ACBD6: variants seen among roughly 807,000 people sequenced by gnomAD.
ACBD6 encodes acyl-CoA-binding domain-containing protein 6.
ACBD6 carries 28 observed loss-of-function variants against 37.2 expected under a neutral mutation model. That is an observed-to-expected ratio of 0.75 (90% CI 0.56 to 1.03). The LOEUF is 1.03. Among genes scored for constraint, ACBD6 ranks in the 50% least tolerant of loss-of-function variants. ACBD6 has a pLI of 0.00. For synonymous variants in ACBD6, 113 were observed against 126.8 expected, an observed-to-expected ratio of 0.89 and a Z score of 0.73; for missense variants, 340 against 337.4, an observed-to-expected ratio of 1.01 and a Z score of -0.06.
chr1:180,344,679 T>G (rs1652109584), intron 6 of ACBD6, among the ~76,000 whole-genome samples: 1 of 152,134 alleles, frequency 6.6e-6, no homozygotes, highest in African/African-American at 2.4e-5. Context: ...ACAACCCTAT[T>G]ATGTAAACAC....
intron 3 of ACBD6, among the ~76,000 whole-genome samples, chr1:180,444,046 C>T (rs1359758727): frequency 1.3e-5 from 2 of 151,858 alleles, no homozygotes; most frequent in African/African-American, 2.4e-5. Flanking sequence ...TAAATCTCAT[C>T]CCTATTACTC....
At chr1:180,280,665 G>C (rs1214188549) in intron 9 of ACBD6, among the ~76,000 whole-genome samples, 2 of 152,304 alleles carry the variant, frequency 1.3e-5, no homozygotes, top group East Asian at 3.9e-4. Flanking sequence ...GCTGAGAAAG[G>C]CAAGAGATCT....
At chr1:180,377,119 C>T (rs1323223382) in intron 6 of ACBD6, among the ~76,000 whole-genome samples, 2 of 150,582 alleles carry the variant, frequency 1.3e-5, no homozygotes, top group African/African-American at 2.4e-5. Context: ...TAGAGTTGAA[C>T]AGAAAAAAAA....
chr1:180,270,024 C>T (rs1391846520), exon 14 of ACBD6: 1 of 152,260 alleles, frequency 6.6e-6, no homozygotes, highest in Non-Finnish European at 1.5e-5. Context: ...CACACATGTC[C>T]TGGCTGCACA....
intron 7 of ACBD6, among the ~76,000 whole-genome samples, chr1:180,301,977 T>C (rs1650147300): frequency 6.6e-6 from 1 of 152,022 alleles, no homozygotes; most frequent in South Asian, 2.1e-4. Context: ...TTTGGTGCCA[T>C]GAACGGTCTG....
At chr1:180,401,815 A>G (rs952572610) in intron 5 of ACBD6, among the ~76,000 whole-genome samples, 4 of 148,486 alleles carry the variant, frequency 2.7e-5, no homozygotes, top group African/African-American at 4.9e-5. Context: ...TGGTAAGGGG[A>G]GGGGAGAGGA....
At position 180,479,406 on chromosome 1, in the gene ACBD6, T is replaced by C. The variant is rs201017748; in HGVS notation, c.384+12863A>G. 1.9e-4 allele frequency among the ~76,000 whole-genome samples: 29 copies of C among 152,130 alleles called. 1 individual carries two copies. In the East Asian group the frequency reaches 4.8e-3, roughly 25 times the overall value. ...TAAGCCAGACACAAAAAGACAAATA[T>C]CACTTGTTCTCATTTATATATATGA... On this transcript the variant is annotated intron_variant, in intron 3 of 7. Coordinates refer to ENST00000367595, the MANE Select transcript of ACBD6 (RefSeq NM_032360.4).
At chr1:180,453,501 C>T (rs527852521) in intron 3 of ACBD6, among the ~76,000 whole-genome samples, 7 of 152,310 alleles carry the variant, frequency 4.6e-5, no homozygotes, top group African/African-American at 1.7e-4. Flanking sequence ...CAAGGATGCC[C>T]TCTCTCACCA....
intron 7 of ACBD6, among the ~76,000 whole-genome samples, chr1:180,296,756 A>C (rs1268148969): frequency 6.6e-6 from 1 of 152,074 alleles, no homozygotes; most frequent in Non-Finnish European, 1.5e-5. Flanking sequence ...TAGACAAATC[A>C]GCCTCATACT....
chr1:180,372,298 C>T (rs1653290232), intron 6 of ACBD6, among the ~76,000 whole-genome samples: 1 of 152,068 alleles, frequency 6.6e-6, no homozygotes, highest in African/African-American at 2.4e-5. Flanking sequence ...CAACAATTAA[C>T]TTTCTGTCCT....
chr1:180,428,985 C>A (rs1424041273), intron 4 of ACBD6, among the ~76,000 whole-genome samples: 1 of 152,170 alleles, frequency 6.6e-6, no homozygotes, highest in Non-Finnish European at 1.5e-5. Context: ...ACTATCAGCT[C>A]TTCAAGGGAA....
At chr1:180,414,787 C>T (rs1335766049) in intron 4 of ACBD6, among the ~76,000 whole-genome samples, 1 of 152,104 alleles carries the variant, frequency 6.6e-6, no homozygotes, top group East Asian at 1.9e-4. Flanking sequence ...TTTAATAGGA[C>T]TATATGGTCA....
chr1:180,288,392 G>A lies in ACBD6; in HGVS notation c.820C>T (p.Leu274=), dbSNP rs1397127550. The A allele has an allele frequency of 6.2e-7, 1 of 1,613,664 alleles. No individual in the cohort carries two copies. The highest frequency in any genetic ancestry group is 8.5e-7 in the Non-Finnish European group (1 of 1,180,002). Residue 274 remains leucine, a synonymous_variant, in exon 8 of 8, where the codon CTG becomes TTG. Coordinates refer to ENST00000367595, the MANE Select transcript of ACBD6 (RefSeq NM_032360.4). ...VTGCKTVSLV[L]QRHTTGKA is the part of the protein sequence containing the mutation. ...GCCTTGCCAGTTGTGTGCCGCTGCA[G>A]CACCAAAGAAACTGTTTTGCAGCCT...
At chr1:180,501,901 TG>T in intron 1 of ACBD6, 143 bp downstream of exon 1, 1 of 734,804 alleles carries the variant, frequency 1.4e-6, no homozygotes. Context: ...CCCCAGCAGA[TG>T]GTCAAAAAAA....
At chr1:180,480,138 T>C (rs1223957586) in intron 3 of ACBD6, among the ~76,000 whole-genome samples, 2 of 152,194 alleles carry the variant, frequency 1.3e-5, no homozygotes, top group Admixed American at 6.5e-5. Context: ...CATGCTAATT[T>C]AGCCTGTGAG....
intron 9 of ACBD6, chr1:180,276,841 G>C (rs966540360): frequency 2.7e-5 from 4 of 149,664 alleles, no homozygotes; most frequent in African/African-American, 9.9e-5. Context: ...AAAAGGGGGG[G>C]GGGCATCCTC....
At chr1:180,439,671 A>G (rs1029560501) in intron 3 of ACBD6, among the ~76,000 whole-genome samples, 4 of 151,650 alleles carry the variant, frequency 2.6e-5, no homozygotes, top group African/African-American at 7.3e-5. Context: ...TTACCATTGA[A>G]GTGTTTCTAC....
rs1315403641 is a variant in ACBD6 at position 180,343,024 on chromosome 1, AT to A, written c.664-28303del. On this transcript the variant is annotated intron_variant, in intron 6 of 7. Coordinates refer to ENST00000367595, the MANE Select transcript of ACBD6 (RefSeq NM_032360.4). ...TAAAGGAAATGTTCAAATTTAATCA[AT>A]ATGAAGTTGTTATAAACAGCAGCAG... Among the ~76,000 whole-genome samples the A allele has an allele frequency of 1.5e-3, 230 of 152,238 alleles. 3 individuals are homozygous for A. Among genetic ancestry groups the A allele is most frequent in the East Asian group, 3.9e-3 (20 of 5,192 alleles).
At chr1:180,383,924 G>T (rs2101931357) in intron 6 of ACBD6, among the ~76,000 whole-genome samples, 1 of 152,076 alleles carries the variant, frequency 6.6e-6, no homozygotes, top group African/African-American at 2.4e-5. Context: ...TTGAGGGAAG[G>T]CCATCCTTTT....
Sources: gnomAD v4.1 joint callset for allele counts (sites outside exome capture counted in the v4.1 genomes callset) on GRCh38, gnomAD v4.1.1 for gene constraint, MANE v1.5 for transcripts, NCBI Gene and HGNC (gene_info 2026-07-23, HGNC 2026-07-21) for gene names.